DNAH11: variants seen among roughly 807,000 people sequenced by gnomAD.
DNAH11 encodes dynein axonemal heavy chain 11.
Under a neutral mutation model 526.0 loss-of-function variants are expected in DNAH11, and 442 were observed. The ratio of observed to expected loss-of-function variants is 0.84; its 90% CI spans 0.78 to 0.91. DNAH11 has a LOEUF of 0.91. Ranked by LOEUF, DNAH11 falls within the 40% of genes least tolerant of loss-of-function variation. The pLI is 0.00. For missense variants in DNAH11, 6,989 were observed against 5,448.7 expected, an observed-to-expected ratio of 1.28 and a Z score of -8.90; for synonymous variants, 2,461 against 1,935.9, an observed-to-expected ratio of 1.27 and a Z score of -7.12.
Position 21,711,801 on chromosome 7 carries a change from G to T in DNAH11, c.6924G>T (p.Pro2308=). The part of the protein sequence containing the change: ...FEIHHLRSAT[P]ATVSRAGILY... ...TACATCACTTAAGGAGCGCAACCCC[G>T]GCCACTGTTTCCAGAGCTGGTATTC... The change falls in exon 42 of 82, where the codon CCG becomes CCT. Residue 2308 remains proline (P), a synonymous_variant. Transcript: ENST00000409508. The T allele has an allele frequency of 6.2e-7, 1 of 1,613,770 alleles. No individual in the cohort carries two copies. The highest frequency in any genetic ancestry group is 8.5e-7 in the Non-Finnish European group (1 of 1,179,804).
At chr7:21,816,776 T>C (rs1789815153) in intron 64 of DNAH11, 74 bp downstream of exon 64, 1 of 1,224,044 alleles carries the variant, frequency 8.2e-7, no homozygotes. Context: ...AAAGGCGTGA[T>C]GTTTCTTAGA....
rs373118205 is a variant in DNAH11, at chr7:21,655,817, A to G, written c.4945-15A>G. 6.2e-7 allele frequency: 1 copy of G among 1,608,564 alleles called. No homozygotes were observed. Among genetic ancestry groups the G allele is most frequent in the Non-Finnish European group, 8.5e-7 (1 of 1,176,604 alleles). On this transcript the variant is annotated splice_polypyrimidine_tract_variant and intron_variant, in intron 28 of 81. Transcript: ENST00000409508. ...GTAAGAAATGTTCTTATCTTTTCTA[A>G]TATTCTCATTTTAGGTAACATGTCA...
At position 21,816,538 on chromosome 7, in the gene DNAH11, G is replaced by T; in HGVS notation, c.10404G>T (p.Trp3468Cys). The T allele has an allele frequency of 6.2e-7, 1 of 1,612,874 alleles. No homozygotes were observed. The highest frequency in any genetic ancestry group is 8.5e-7 in the Non-Finnish European group (1 of 1,179,564). ...MLTDDATIAA[W>C]NNEGLPSDRM... is the part of the protein sequence containing the mutation. ...CGGATGATGCTACAATTGCCGCCTG[G>T]AATAACGAAGGACTGCCCAGTGACA... The change falls in exon 64 of 82, where the codon TGG becomes TGT. Residue 3468 changes from tryptophan (W) to cysteine (C), a missense_variant. By Grantham distance (215) the Trp-to-Cys change is radical (BLOSUM62 -2). Coordinates refer to ENST00000409508, the MANE Select transcript of DNAH11 (RefSeq NM_001277115.2).
intron 30 of DNAH11, among the ~76,000 whole-genome samples, chr7:21,670,900 G>A (rs1782617914): frequency 6.6e-6 from 1 of 150,556 alleles, no homozygotes; most frequent in South Asian, 2.1e-4. Context: ...GTGTATTTTT[G>A]GCTGGATTCT....
At position 21,901,329 on chromosome 7, in the gene DNAH11, T is replaced by TTCTG; in HGVS notation, c.*75_*76insTCTG. 1 of 1,432,748 alleles carries TTCTG rather than the reference T, an allele frequency of 7.0e-7. No homozygotes were observed. Among genetic ancestry groups the TTCTG allele is most frequent in the Non-Finnish European group, 9.2e-7 (1 of 1,084,104 alleles). 88.8% of individuals were successfully genotyped at this position (1,432,748 alleles called of 1,614,324 possible). ...CTAGCATGTTGCTGCACTGTTCCCA[T>TTCTG]GCACATTATTCTAACTTTTTAGTAA... On this transcript the variant is annotated 3_prime_UTR_variant, in exon 82 of 82. Transcript: ENST00000409508.
chr7:21,639,025 A>G lies in DNAH11; in HGVS notation c.4904A>G (p.Asp1635Gly), dbSNP rs17144835. 75,913 of 1,613,206 alleles carry G rather than the reference A, an allele frequency of 0.047. 2,010 individuals are homozygous for G. The highest frequency in any genetic ancestry group is 0.07 in the African/African-American group (5,284 of 74,982). ...FPRFYFVSSA[D>G]LLDILSKGAQ... Reference sequence around the variant, plus strand: ...CGCTTCTATTTCGTCTCTTCTGCTGATTTACTTGACATTCTCTCAAAAGGA... The same window carrying G: ...CGCTTCTATTTCGTCTCTTCTGCTGGTTTACTTGACATTCTCTCAAAAGGA... The change falls in exon 28 of 82, where the codon GAT becomes GGT. Residue 1635 changes from aspartate to glycine, a missense_variant. Transcript: ENST00000409508.
At chr7:21,556,717 T>C (rs374293745) in intron 2 of DNAH11, among the ~76,000 whole-genome samples, 1 of 152,150 alleles carries the variant, frequency 6.6e-6, no homozygotes, top group African/African-American at 2.4e-5. Flanking sequence ...GTTGTTCGTT[T>C]CTTTGTGCCC....
chr7:21,680,266 T>C (rs1286084153), intron 30 of DNAH11, among the ~76,000 whole-genome samples: 2 of 152,230 alleles, frequency 1.3e-5, no homozygotes, highest in African/African-American at 2.4e-5. Flanking sequence ...TGATCTGTCA[T>C]ATTCACTTAC....
intron 2 of DNAH11, among the ~76,000 whole-genome samples, chr7:21,549,092 T>C (rs774278851): frequency 7.9e-5 from 12 of 152,198 alleles, no homozygotes; most frequent in Non-Finnish European, 1.5e-4. Context: ...TTGGCCAGGC[T>C]GGTCTCGAAC....
chr7:21,702,702 G>C lies in DNAH11; in HGVS notation c.6181-8G>C, dbSNP rs1312394660. 6.2e-7 allele frequency: 1 copy of C among 1,612,150 alleles called. No homozygotes were observed. Among genetic ancestry groups the C allele is most frequent in the South Asian group, 1.1e-5 (1 of 90,808 alleles). Reference sequence around the variant, plus strand: ...ATTTTTGAGAAAATAAACCTGTTTTGATTTTAGGATCATTACGACTGGGGA... The same window carrying C: ...ATTTTTGAGAAAATAAACCTGTTTTCATTTTAGGATCATTACGACTGGGGA... On this transcript the variant is annotated splice_polypyrimidine_tract_variant and splice_region_variant and intron_variant, in intron 36 of 81. Transcript: ENST00000409508.
At chr7:21,877,597 T>G (rs1783764314) in intron 74 of DNAH11, among the ~76,000 whole-genome samples, 1 of 151,554 alleles carries the variant, frequency 6.6e-6, no homozygotes, top group South Asian at 2.1e-4. Flanking sequence ...CTCTTGAGGC[T>G]AGGCACGGTG....
At chr7:21,731,986 A>G (rs895939512) in intron 45 of DNAH11, among the ~76,000 whole-genome samples, 8 of 152,196 alleles carry the variant, frequency 5.3e-5, no homozygotes, top group African/African-American at 1.9e-4. Flanking sequence ...TCACAGATAT[A>G]TAGGTATAGG....
intron 28 of DNAH11, among the ~76,000 whole-genome samples, chr7:21,645,577 C>T (rs1045382051): frequency 5.3e-5 from 8 of 152,024 alleles, no homozygotes; most frequent in Admixed American, 5.2e-4. Flanking sequence ...ACTCAGGCCC[C>T]ATTAAGGAGG....
intron 68 of DNAH11, among the ~76,000 whole-genome samples, chr7:21,855,784 C>T (rs535193832): frequency 1.3e-5 from 2 of 151,908 alleles, no homozygotes; most frequent in East Asian, 3.9e-4. Flanking sequence ...TAGTTTTGGA[C>T]AAAACATAAG....
chr7:21,631,539 A>T (rs951207197), intron 25 of DNAH11, among the ~76,000 whole-genome samples: 1 of 152,226 alleles, frequency 6.6e-6, no homozygotes, highest in African/African-American at 2.4e-5. Context: ...AAATACAGCC[A>T]TTCCAAATGG....
At chr7:21,871,777 T>C (rs1783502455) in intron 73 of DNAH11, among the ~76,000 whole-genome samples, 1 of 152,058 alleles carries the variant, frequency 6.6e-6, no homozygotes, top group Admixed American at 6.6e-5. Flanking sequence ...GTCTTCTGTG[T>C]TTCTGGGTCC....
chr7:21,848,715 C>T (rs1425460026), intron 66 of DNAH11, among the ~76,000 whole-genome samples: 2 of 151,876 alleles, frequency 1.3e-5, no homozygotes, highest in Admixed American at 6.6e-5. Flanking sequence ...TTTTCCTTCT[C>T]TTCTGCCTTC....
At chr7:21,546,977 C>T (rs4722037) in intron 2 of DNAH11, among the ~76,000 whole-genome samples, 90,714 of 152,106 alleles carry the variant, frequency 0.6, 30,169 homozygotes, top group East Asian at 0.96. Context: ...GGCACACTTG[C>T]TCTTTTATCT....
intron 25 of DNAH11, among the ~76,000 whole-genome samples, chr7:21,635,564 C>A (rs530200134): frequency 1.2e-4 from 19 of 152,080 alleles, no homozygotes; most frequent in Admixed American, 3.9e-4. Context: ...CAGTGCTGAA[C>A]CCCCAATACA....
Sources: allele counts gnomAD v4.1 joint callset (sites outside exome capture counted in the v4.1 genomes callset), GRCh38; gene constraint gnomAD v4.1.1; transcripts MANE v1.5; gene names NCBI Gene and HGNC (gene_info 2026-07-23, HGNC 2026-07-21).